Variants in GOLGA7B observed in about 807,000 individuals in gnomAD.
GOLGA7B encodes the protein golgin A7 family member B.
In GOLGA7B, 17 loss-of-function variants were observed where a neutral mutation model predicts 21.5. The observed-to-expected ratio is 0.79, with a 90% confidence interval of 0.54 to 1.19. The LOEUF is 1.19. Ranked by LOEUF, GOLGA7B falls within the 50% of genes most tolerant of loss-of-function variation. The pLI is 0.00. For synonymous variants in GOLGA7B, 87 were observed against 84.0 expected (o/e 1.04, Z -0.19); for missense variants, 169 against 224.4 (o/e 0.75, Z 1.58).
At position 97,866,362 on chromosome 10, in the gene GOLGA7B, TTGCAGGCTGCCAGGTGC is replaced by T. The variant is rs2050025093; in HGVS notation, c.*665_*681del. On this transcript the variant is annotated 3_prime_UTR_variant, in exon 5 of 5. Transcript: ENST00000370602. The stretch of plus-strand genomic sequence containing the variant: ...GCGAGAAGCATCCAACTTTGAGACT[TTGCAGGCTGCCAGGTGC>T]TGGTTGGGGGGCACAGAGCCTGGGG... 1 of 152,282 alleles carries T rather than the reference TTGCAGGCTGCCAGGTGC, an allele frequency of 6.6e-6. No homozygotes were observed. The highest frequency in any genetic ancestry group is 1.5e-5 in the Non-Finnish European group (1 of 68,142). The allele number at this position is 152,282 out of a possible 1,614,324, so 9.4% of individuals were successfully genotyped here.
chr10:97,857,665 G>A (rs73328570), intron 1 of GOLGA7B, among the ~76,000 whole-genome samples: 2,481 of 152,156 alleles, frequency 0.016, 57 homozygotes, highest in African/African-American at 0.044. Context: ...AATAGCCAAA[G>A]CAATCCTATG....
rs1307881289 is a variant in GOLGA7B, at chr10:97,869,507, G to A, written c.*3807G>A. Reference sequence around the variant, plus strand: ...GCCCCAGCCACTCAGGCATGCCTCAGGAAGCTCCTGCTGCACATGCTCCTC... The same window carrying A: ...GCCCCAGCCACTCAGGCATGCCTCAAGAAGCTCCTGCTGCACATGCTCCTC... On this transcript the variant is annotated 3_prime_UTR_variant, in exon 5 of 5. Coordinates refer to ENST00000370602, the MANE Select transcript of GOLGA7B (RefSeq NM_001010917.3). 1 of 152,618 alleles carries A rather than the reference G, an allele frequency of 6.6e-6. No homozygotes were observed. The highest frequency in any genetic ancestry group is 1.5e-5 in the Non-Finnish European group (1 of 68,356). The allele number at this position is 152,618 out of a possible 1,614,324, so 9.5% of individuals were successfully genotyped here.
rs756527620 is a variant in GOLGA7B, at chr10:97,850,320, G to T, written c.12+5G>T. On this transcript the variant is annotated splice_donor_5th_base_variant and intron_variant, in intron 1 of 4. Transcript: ENST00000370602. ...CCCCGGATCATGGCCACCGAGGTAG[G>T]GGCGAGCGCCCCACCCGCAGGCAGT... 2.0e-6 allele frequency: 3 copies of T among 1,511,096 alleles called. No homozygotes were observed. In the Admixed American group the frequency reaches 6.2e-5, roughly 31 times the overall value. 93.6% of individuals were successfully genotyped at this position (1,511,096 alleles called of 1,614,324 possible).
intron 1 of GOLGA7B, among the ~76,000 whole-genome samples, 198 bp from the exon 2 acceptor site, chr10:97,859,260 G>A (rs571336493): frequency 6.6e-6 from 1 of 152,210 alleles, no homozygotes; most frequent in Non-Finnish European, 1.5e-5. Flanking sequence ...ATAGCTCAGG[G>A]CAGCTTCTTG....
chr10:97,857,835 C>A (rs2049946028), intron 1 of GOLGA7B, among the ~76,000 whole-genome samples: 1 of 152,146 alleles, frequency 6.6e-6, no homozygotes, highest in Non-Finnish European at 1.5e-5. Context: ...GAACACAGAA[C>A]CCAGAAATAA....
In GOLGA7B at chr10:97,871,082, G is replaced by C. The variant is rs2050088138; in HGVS notation, c.*5382G>C. 6.6e-6 allele frequency: 1 copy of C among 152,200 alleles called. No individual in the cohort carries two copies. Among genetic ancestry groups the C allele is most frequent in the Non-Finnish European group, 1.5e-5 (1 of 68,040 alleles). The allele number at this position is 152,200 out of a possible 1,614,324, so 9.4% of individuals were successfully genotyped here. ...TCCTTTCAGAGCCCAGCCTTCGGAG[G>C]TTTCCGCATGAGCCTTCTCGGGCGA... On this transcript the variant is annotated 3_prime_UTR_variant, in exon 5 of 5. Coordinates refer to ENST00000370602, the MANE Select transcript of GOLGA7B (RefSeq NM_001010917.3).
chr10:97,863,953 G>C lies in GOLGA7B; in HGVS notation c.162G>C (p.Glu54Asp). 6.2e-7 allele frequency: 1 copy of C among 1,613,874 alleles called. No homozygotes were observed. Among genetic ancestry groups the C allele is most frequent in the Non-Finnish European group, 8.5e-7 (1 of 1,179,894 alleles). The part of the protein sequence containing the change: ...DSRIERQLFE[E>D]TVKTLNGFYA... ...AGATCGAGCGGCAGCTCTTTGAAGA[G>C]ACTGTGAAGACCCTCAACGGATTTT... The change falls in exon 3 of 5, where the codon GAG (glutamate) becomes GAC (aspartate). Residue 54 changes from glutamate to aspartate, a missense_variant. Coordinates refer to ENST00000370602, the MANE Select transcript of GOLGA7B (RefSeq NM_001010917.3).
In GOLGA7B at chr10:97,863,965, C is replaced by A. The variant is rs141939035; in HGVS notation, c.174C>A (p.Thr58=). The change falls in exon 3 of 5, where the codon ACC becomes ACA. Residue 58 remains threonine (T), a synonymous_variant. Coordinates refer to ENST00000370602, the MANE Select transcript of GOLGA7B (RefSeq NM_001010917.3). The stretch of plus-strand genomic sequence containing the variant: ...AGCTCTTTGAAGAGACTGTGAAGAC[C>A]CTCAACGGATTTTACGCAGAGGCTG... The part of the protein sequence containing the change: ...ERQLFEETVK[T]LNGFYAEAEK... 1.9e-5 allele frequency: 30 copies of A among 1,614,100 alleles called. No individual in the cohort carries two copies. The African/African-American group carries it at 3.7e-4, about 20-fold the overall frequency.
chr10:97,853,919 A>G (rs1164169802), intron 1 of GOLGA7B, among the ~76,000 whole-genome samples: 1 of 152,240 alleles, frequency 6.6e-6, no homozygotes, highest in East Asian at 1.9e-4. Flanking sequence ...TTAAACTAGC[A>G]GCTCTAGAAA....
intron 2 of GOLGA7B, among the ~76,000 whole-genome samples, chr10:97,862,279 A>T (rs1407347191): frequency 6.6e-6 from 1 of 152,184 alleles, no homozygotes; most frequent in Non-Finnish European, 1.5e-5. Flanking sequence ...ATAAAAAACC[A>T]AGCAAATACA....
chr10:97,865,803 GCTCACCC>G lies in GOLGA7B; in HGVS notation c.*104_*110del. The G allele has an allele frequency of 8.8e-7, 1 of 1,137,934 alleles. No homozygotes were observed. Among genetic ancestry groups the G allele is most frequent in the Non-Finnish European group, 1.2e-6 (1 of 843,044 alleles). 70.5% of individuals were successfully genotyped at this position (1,137,934 alleles called of 1,614,324 possible). A position where few individuals can be genotyped will look rare whatever the true frequency, so the allele number is the denominator to read the frequency against. ...CACCCGCTTCTGAGTCATTCTTTGG[GCTCACCC>G]TGCTGCCCGGGGTGGGAGGGAGGGT... is the stretch of plus-strand genomic sequence containing the variant. On this transcript the variant is annotated 3_prime_UTR_variant, in exon 5 of 5. Coordinates refer to ENST00000370602, the MANE Select transcript of GOLGA7B (RefSeq NM_001010917.3).
At chr10:97,850,500 C>T (rs1043917258) in intron 1 of GOLGA7B, among the ~76,000 whole-genome samples, 185 bp downstream of exon 1, 5 of 151,952 alleles carry the variant, frequency 3.3e-5, no homozygotes, top group African/African-American at 4.8e-5. Context: ...TGTCAATCTT[C>T]CCCTCGCCCC....
At chr10:97,857,707 A>G (rs1004633225) in intron 1 of GOLGA7B, among the ~76,000 whole-genome samples, 2 of 152,202 alleles carry the variant, frequency 1.3e-5, no homozygotes, top group African/African-American at 4.8e-5. Context: ...GAACAATCCT[A>G]TGCAAAGAAC....
intron 1 of GOLGA7B, among the ~76,000 whole-genome samples, chr10:97,852,125 G>C (rs2049909227): frequency 6.6e-6 from 1 of 152,258 alleles, no homozygotes; most frequent in South Asian, 2.1e-4. Flanking sequence ...CTGAAGTGCT[G>C]AGACTTATTC....
At chr10:97,852,950 C>A (rs1454256686) in intron 1 of GOLGA7B, among the ~76,000 whole-genome samples, 1 of 152,158 alleles carries the variant, frequency 6.6e-6, no homozygotes, top group African/African-American at 2.4e-5. Context: ...GGAGCAGGGT[C>A]TGCCCTGGGA....
chr10:97,862,502 A>G (rs982602054), intron 2 of GOLGA7B, among the ~76,000 whole-genome samples: 1 of 152,202 alleles, frequency 6.6e-6, no homozygotes, highest in Non-Finnish European at 1.5e-5. Context: ...GAGAAAAGAA[A>G]ATGTTAAGAA....
Position 97,864,058 on chromosome 10 carries a change from C to G in GOLGA7B, c.267C>G (p.Leu89=). The G allele has an allele frequency of 6.2e-7, 1 of 1,614,128 alleles. No individual in the cohort carries two copies. The highest frequency in any genetic ancestry group is 8.5e-7 in the Non-Finnish European group (1 of 1,179,976). Reference sequence around the variant, plus strand: ...GCGCCACGGCCTACTTCATCTTCCTCTGCATGGAGACCCACTATGAGAAGG... The same window carrying G: ...GCGCCACGGCCTACTTCATCTTCCTGTGCATGGAGACCCACTATGAGAAGG... ...LACATAYFIF[L]CMETHYEKVL... Residue 89 remains leucine, a synonymous_variant, in exon 3 of 5, where the codon CTC becomes CTG. Coordinates refer to ENST00000370602, the MANE Select transcript of GOLGA7B (RefSeq NM_001010917.3).
At chr10:97,858,571 T>C (rs1448741794) in intron 1 of GOLGA7B, among the ~76,000 whole-genome samples, 4 of 151,952 alleles carry the variant, frequency 2.6e-5, no homozygotes, top group Non-Finnish European at 4.4e-5. Flanking sequence ...AACACTAGAG[T>C]CTGTGTCAAT....
chr10:97,859,315 G>C (rs1232896261), intron 1 of GOLGA7B, 143 bp from the exon 2 acceptor site: 3 of 786,524 alleles, frequency 3.8e-6, no homozygotes, highest in Non-Finnish European at 6.1e-6. Context: ...TGGAGCACCT[G>C]TAGAGTGCCC....
Sources: allele counts gnomAD v4.1 joint callset (sites outside exome capture counted in the v4.1 genomes callset), GRCh38; gene constraint gnomAD v4.1.1; transcripts MANE v1.5; gene names NCBI Gene and HGNC (gene_info 2026-07-23, HGNC 2026-07-21).